The following DHTKD1 variants were observed in gnomAD, a reference collection of about 807,000 sequenced individuals.
DHTKD1 encodes the protein 2-oxoadipate dehydrogenase complex component E1.
Under a neutral mutation model 101.8 loss-of-function variants are expected in DHTKD1, and 78 were observed. The ratio of observed to expected loss-of-function variants is 0.77; its 90% confidence interval spans 0.64 to 0.93. The LOEUF (loss-of-function observed/expected upper bound fraction) is 0.93. DHTKD1 is among the 40% of genes least tolerant of loss of function. The pLI, the probability that DHTKD1 is intolerant of heterozygous loss-of-function variation, is 0.00. For missense variants in DHTKD1, 1,223 were observed against 1,161.7 expected (o/e 1.05, Z -0.77); for synonymous variants, 462 against 450.3 (o/e 1.03, Z -0.33).
rs756074091 is a variant in DHTKD1, at chr10:12,069,129, C to T, written c.96C>T (p.Gly32=). The T allele has an allele frequency of 7.5e-6, 12 of 1,598,454 alleles. No individual in the cohort carries two copies. The South Asian group carries it at 1.2e-4, about 16-fold the overall frequency. Reference sequence around the variant, plus strand: ...ACCAGACCGAGCGGGGCGTTTACGGCTACCGGCCGAGGAAGCCCGAGAGCC... The same window carrying T: ...ACCAGACCGAGCGGGGCGTTTACGGTTACCGGCCGAGGAAGCCCGAGAGCC... ...RGYQTERGVY[G]YRPRKPESRE... is the part of the protein sequence containing the mutation. The change falls in exon 1 of 17, where the codon GGC becomes GGT. Residue 32 remains glycine (G), a synonymous_variant. Coordinates refer to ENST00000263035, the MANE Select transcript of DHTKD1 (RefSeq NM_018706.7).
intron 8 of DHTKD1, among the ~76,000 whole-genome samples, chr10:12,099,372 G>C (rs566678868): frequency 6.6e-6 from 1 of 152,120 alleles, no homozygotes; most frequent in Middle Eastern, 3.4e-3. Context: ...ACCTAAGCAC[G>C]TGTTTGTTTT....
rs1201362747 is a variant in DHTKD1, at chr10:12,107,381, T to G, written c.2048-528T>G. Reference sequence around the variant, plus strand: ...GGGAACGTTCCCCTTTGAGTTTGTCTTCCACTCGTAAAAGCCCAGGGCCTG... The same window carrying G: ...GGGAACGTTCCCCTTTGAGTTTGTCGTCCACTCGTAAAAGCCCAGGGCCTG... On this transcript the variant is annotated intron_variant, in intron 11 of 16. Coordinates refer to ENST00000263035, the MANE Select transcript of DHTKD1 (RefSeq NM_018706.7). The surrounding 1 kb of genome is among the most constrained non-coding windows in gnomAD (Gnocchi z 4.1). 6.6e-6 allele frequency among the ~76,000 whole-genome samples: 1 copy of G among 151,932 alleles called. No individual in the cohort carries two copies. Among genetic ancestry groups the G allele is most frequent in the African/African-American group, 2.4e-5 (1 of 41,392 alleles).
chr10:12,117,707 GAAC>G lies in DHTKD1; in HGVS notation c.2359_2361del (p.Thr787del), dbSNP rs563856629. ...TCAACTCTTCAAGAAATGGCACCAG[GAAC>G]AACATTTAACCCGGTCATTGGTGAT... On this transcript the variant is annotated inframe_deletion, in exon 14 of 17. Coordinates refer to ENST00000263035, the MANE Select transcript of DHTKD1 (RefSeq NM_018706.7). 184 of 1,608,006 alleles carry G rather than the reference GAAC, an allele frequency of 1.1e-4. 2 individuals carry two copies. In the East Asian group the frequency reaches 4.1e-3, roughly 36 times the overall value.
chr10:12,106,314 A>G lies in DHTKD1; in HGVS notation c.1965A>G (p.Pro655=), dbSNP rs1833246548. 6.2e-7 allele frequency: 1 copy of G among 1,614,190 alleles called. No individual in the cohort carries two copies. The highest frequency in any genetic ancestry group is 8.5e-7 in the Non-Finnish European group (1 of 1,180,032). The part of the protein sequence containing the change: ...GFEYGMSIES[P]KLLPLWEAQF... ...AATATGGGATGAGCATTGAGAGCCCAAAGTTACTGCCCCTGTGGGAGGCAC... is the reference window on the plus strand; with the variant it reads ...AATATGGGATGAGCATTGAGAGCCCGAAGTTACTGCCCCTGTGGGAGGCAC... Residue 655 remains proline, a synonymous_variant, in exon 11 of 17, where the codon CCA becomes CCG. Transcript: ENST00000263035.
chr10:12,122,997 G>A lies in DHTKD1; in HGVS notation c.*2109G>A, dbSNP rs1833548620. 6.6e-6 allele frequency: 1 copy of A among 152,274 alleles called. No homozygotes were observed. The highest frequency in any genetic ancestry group is 1.9e-4 in the East Asian group (1 of 5,186). 9.4% of individuals were successfully genotyped at this position (152,274 alleles called of 1,614,324 possible). Reference sequence around the variant, plus strand: ...AGTGGTAGATTTATGATTCACATCCGAAAGTGTGCCTTAGTTATCAATTTA... The same window carrying A: ...AGTGGTAGATTTATGATTCACATCCAAAAGTGTGCCTTAGTTATCAATTTA... On this transcript the variant is annotated 3_prime_UTR_variant, in exon 17 of 17. Coordinates refer to ENST00000263035, the MANE Select transcript of DHTKD1 (RefSeq NM_018706.7).
At chr10:12,090,428 TTTCCTTCCTTCCTTCCTTCC>T (rs57839020) in intron 5 of DHTKD1, among the ~76,000 whole-genome samples, 183 of 119,788 alleles carry the variant, frequency 1.5e-3, no homozygotes, top group African/African-American at 2.3e-3. Context: ...TTCCTTCCTT[TTTCCTTCCTTCCTTCCTTCC>T]TTCCTTCCTT....
chr10:12,092,903 A>G (rs1833013316), intron 6 of DHTKD1, among the ~76,000 whole-genome samples: 1 of 151,984 alleles, frequency 6.6e-6, no homozygotes, highest in Non-Finnish European at 1.5e-5. Context: ...TTGTTTTGAG[A>G]GTCTTGCTCT....
intron 1 of DHTKD1, among the ~76,000 whole-genome samples, chr10:12,070,607 G>A (rs543593680): frequency 7.2e-5 from 11 of 152,300 alleles, no homozygotes; most frequent in African/African-American, 2.4e-4. Flanking sequence ...TCCTGCCCCA[G>A]TGTTCCGAGT....
intron 10 of DHTKD1, 51 bp from the exon 11 acceptor site, chr10:12,106,195 G>A: frequency 6.2e-7 from 1 of 1,605,450 alleles, no homozygotes; most frequent in South Asian, 1.1e-5. Context: ...GGAGCCCAGT[G>A]CTCTGCCGTG....
At chr10:12,092,070 G>A (rs1832999156) in intron 6 of DHTKD1, among the ~76,000 whole-genome samples, 8 of 149,656 alleles carry the variant, frequency 5.3e-5, no homozygotes, top group Admixed American at 4.1e-4. Flanking sequence ...TGCAACCTCC[G>A]CCTTTCAGGT....
intron 2 of DHTKD1, among the ~76,000 whole-genome samples, chr10:12,083,073 G>A (rs1832847671): frequency 4.6e-5 from 7 of 151,946 alleles, no homozygotes. Flanking sequence ...TAATAGCAAG[G>A]CGTGAAGCCG....
At position 12,087,644 on chromosome 10, in the gene DHTKD1, A is replaced by C. The variant is rs748575342; in HGVS notation, c.632A>C (p.Tyr211Ser). 4 of 1,614,092 alleles carry C rather than the reference A, an allele frequency of 2.5e-6. No homozygotes were observed. Residue 211 changes from tyrosine (Y) to serine (S), a missense_variant, in exon 4 of 17, where the codon TAC becomes TCC. By Grantham distance (144) the Tyr-to-Ser change is moderately radical (BLOSUM62 -2). Coordinates refer to ENST00000263035, the MANE Select transcript of DHTKD1 (RefSeq NM_018706.7). The surrounding 1 kb of genome is among the most constrained non-coding windows in gnomAD (Gnocchi z 5.2). ...FFHELLKMSA[Y>S]SGITDVIIGM... Reference sequence around the variant, plus strand: ...CACGAGCTGCTGAAAATGTCGGCCTACAGCGGGATCACTGATGTCATTATT... The same window carrying C: ...CACGAGCTGCTGAAAATGTCGGCCTCCAGCGGGATCACTGATGTCATTATT...
intron 1 of DHTKD1, among the ~76,000 whole-genome samples, chr10:12,070,227 C>T (rs1029229481): frequency 5.4e-4 from 82 of 151,994 alleles, no homozygotes; most frequent in African/African-American, 1.8e-3. Flanking sequence ...TGCTCATTTG[C>T]GAGACTAATT....
chr10:12,097,680 G>A lies in DHTKD1; in HGVS notation c.1359-4G>A, dbSNP rs1163754157. The A allele has an allele frequency of 6.2e-7, 1 of 1,602,412 alleles. No individual in the cohort carries two copies. Among genetic ancestry groups the A allele is most frequent in the South Asian group, 1.1e-5 (1 of 89,246 alleles). On this transcript the variant is annotated splice_region_variant and splice_polypyrimidine_tract_variant and intron_variant, in intron 7 of 16. Coordinates refer to ENST00000263035, the MANE Select transcript of DHTKD1 (RefSeq NM_018706.7). ...GATTTTTGTTTCTTCTCTTTCTTGG[G>A]CAGAGCTCGAAAGAGCATTCCAGAC...
chr10:12,099,859 C>T (rs1441920797), intron 8 of DHTKD1, among the ~76,000 whole-genome samples: 1 of 137,728 alleles, frequency 7.3e-6, no homozygotes, highest in Non-Finnish European at 1.5e-5. Flanking sequence ...TGTAGTGGAG[C>T]CATCTCAGCT....
At chr10:12,112,454 C>CA (rs1259174948) in intron 12 of DHTKD1, among the ~76,000 whole-genome samples, 1 of 152,006 alleles carries the variant, frequency 6.6e-6, no homozygotes, top group Non-Finnish European at 1.5e-5. Context: ...CTCAATTTTT[C>CA]AACCTTTCTA....
chr10:12,117,685 A>G lies in DHTKD1; in HGVS notation c.2332A>G (p.Thr778Ala), dbSNP rs138115346. The G allele has an allele frequency of 4.1e-5, 66 of 1,600,826 alleles. No homozygotes were observed. The highest frequency in any genetic ancestry group is 5.4e-5 in the Non-Finnish European group (63 of 1,172,232). The change falls in exon 14 of 17, where the codon ACT becomes GCT. Residue 778 changes from threonine (T) to alanine (A), a missense_variant. Coordinates refer to ENST00000263035, the MANE Select transcript of DHTKD1 (RefSeq NM_018706.7). ...MLLRLPAAVS[T>A]LQEMAPGTTF... The stretch of plus-strand genomic sequence containing the variant: ...TTCTCCCTCGTAGGCAGCCGTGTCA[A>G]CTCTTCAAGAAATGGCACCAGGAAC...
chr10:12,120,537 C>T (rs1248946781), intron 16 of DHTKD1, among the ~76,000 whole-genome samples: 1 of 152,000 alleles, frequency 6.6e-6, no homozygotes, highest in Non-Finnish European at 1.5e-5. Flanking sequence ...GGGGTTTCAC[C>T]ATGTTAGCCA....
intron 1 of DHTKD1, among the ~76,000 whole-genome samples, chr10:12,080,353 A>T (rs1238338276): frequency 1.3e-5 from 2 of 151,908 alleles, no homozygotes; most frequent in African/African-American, 2.4e-5. Context: ...ATACAAACCC[A>T]AGTGCATGGG....
Sources: allele counts gnomAD v4.1 joint callset (sites outside exome capture counted in the v4.1 genomes callset), GRCh38; gene constraint gnomAD v4.1.1; non-coding constraint Gnocchi (gnomAD v3.1); transcripts MANE v1.5; gene names NCBI Gene and HGNC (gene_info 2026-07-23, HGNC 2026-07-21).